The following POLK variants were observed in gnomAD, a reference collection of about 807,000 sequenced individuals.
POLK encodes DNA polymerase kappa, also known as polymerase (DNA directed) kappa.
Under a neutral mutation model 94.0 loss-of-function variants are expected in POLK, and 76 were observed. The observed-to-expected ratio is 0.81, with a 90% confidence interval of 0.67 to 0.98. The LOEUF is 0.98. Ranked by LOEUF, POLK falls within the 50% of genes least tolerant of loss-of-function variation. The pLI, the probability that POLK is intolerant of heterozygous loss-of-function variation, is 0.00. For synonymous variants in POLK, 349 were observed against 325.4 expected (o/e 1.07, Z -0.78); for missense variants, 954 against 1,010.1 (o/e 0.94, Z 0.75).
chr5:75,595,384 A>G (rs1299505542), intron 12 of POLK, among the ~76,000 whole-genome samples: 1 of 152,112 alleles, frequency 6.6e-6, no homozygotes, highest in Non-Finnish European at 1.5e-5. Flanking sequence ...ACATACAGAC[A>G]GTGGAATAAT....
exon 13 of POLK, chr5:75,596,656 A>G (rs1449248279): frequency 6.2e-7 from 1 of 1,613,956 alleles, no homozygotes; most frequent in Non-Finnish European, 8.5e-7. Flanking sequence ...AATCAGTGAA[A>G]ACTTTAAAAT....
intron 1 of POLK, among the ~76,000 whole-genome samples, chr5:75,527,567 A>G (rs1768932439): frequency 6.6e-6 from 1 of 151,962 alleles, no homozygotes; most frequent in African/African-American, 2.4e-5. Context: ...ATATGTATAT[A>G]TACATGTGTA....
chr5:75,566,170 G>A (rs1319639838), intron 3 of POLK, among the ~76,000 whole-genome samples: 1 of 152,194 alleles, frequency 6.6e-6, no homozygotes, highest in East Asian at 1.9e-4. Flanking sequence ...CACTGTGAGG[G>A]GAAAACCACC....
chr5:75,569,648 T>TA (rs1771481284), intron 4 of POLK, among the ~76,000 whole-genome samples, 156 bp downstream of exon 4: 1 of 152,222 alleles, frequency 6.6e-6, no homozygotes, highest in Admixed American at 6.5e-5. Context: ...CCTTTCAACA[T>TA]ACTTTAAGGC....
chr5:75,558,743 A>T (rs1770778012), intron 3 of POLK, among the ~76,000 whole-genome samples: 2 of 152,176 alleles, frequency 1.3e-5, no homozygotes, highest in Admixed American at 1.3e-4. Context: ...TTCTATCCAC[A>T]GTAATATTAT....
intron 11 of POLK, 134 bp downstream of exon 11, chr5:75,590,574 A>G: frequency 1.6e-6 from 1 of 615,248 alleles, no homozygotes; most frequent in East Asian, 2.7e-5. Flanking sequence ...GTGTATTCCT[A>G]TCCCCAACAG....
At chr5:75,552,347 AG>A (rs1226735938) in intron 2 of POLK, 124 bp from the exon 3 acceptor site, 7 of 758,994 alleles carry the variant, frequency 9.2e-6, no homozygotes, top group Non-Finnish European at 1.5e-5. Flanking sequence ...GCTAGTAAGT[AG>A]TAGAGCTAAG....
exon 15 of POLK, chr5:75,598,171 T>C: frequency 2.5e-6 from 1 of 404,754 alleles, no homozygotes; most frequent in Non-Finnish European, 4.5e-6. Flanking sequence ...AAGATACATA[T>C]ACTGATTCTG....
Position 75,583,182 on chromosome 5 carries a change from T to C in POLK, c.935-111T>C, listed in dbSNP as rs189625898. 5 of 678,808 alleles carry C rather than the reference T, an allele frequency of 7.4e-6. No homozygotes were observed. In the East Asian group the frequency reaches 1.4e-4, roughly 19 times the overall value. The allele number at this position is 678,808 out of a possible 1,614,324, so 42.0% of individuals were successfully genotyped here. On this transcript the variant is annotated intron_variant, in intron 7 of 14. Coordinates refer to ENST00000241436, the Ensembl canonical transcript of POLK. ...AAATGTTATTTTTAAAGTAGCATTATATATCATTTGAGATTTTTTGCAATT... is the reference window on the plus strand; with the variant it reads ...AAATGTTATTTTTAAAGTAGCATTACATATCATTTGAGATTTTTTGCAATT...
At chr5:75,541,371 ATATGTT>A (rs1311777919) in intron 1 of POLK, among the ~76,000 whole-genome samples, 5 of 152,152 alleles carry the variant, frequency 3.3e-5, no homozygotes, top group Non-Finnish European at 7.4e-5. Context: ...ACTGTAGGTA[ATATGTT>A]TATATCAGAA....
intron 3 of POLK, among the ~76,000 whole-genome samples, chr5:75,564,102 G>A (rs966656981): frequency 1.3e-5 from 2 of 152,124 alleles, no homozygotes; most frequent in Non-Finnish European, 2.9e-5. Flanking sequence ...TATATGTTTA[G>A]GATAGTTAGC....
chr5:75,569,597 G>A, intron 4 of POLK, 105 bp downstream of exon 4: 1 of 982,612 alleles, frequency 1.0e-6, no homozygotes, highest in Non-Finnish European at 1.5e-6. Flanking sequence ...AGTTTGCTGA[G>A]TATTTTTCTG....
At chr5:75,511,284 G>T, upstream of POLK, 17 of 1,576,528 alleles carry the variant, frequency 1.1e-5, 1 homozygote, top group South Asian at 1.9e-4. Flanking sequence ...TCCTCGGGGT[G>T]AAGGGTCGGG....
At chr5:75,558,412 A>G (rs1218359516) in intron 3 of POLK, among the ~76,000 whole-genome samples, 2 of 152,072 alleles carry the variant, frequency 1.3e-5, no homozygotes, top group East Asian at 1.9e-4. Flanking sequence ...TTTTCCCTGC[A>G]TAGTATTATT....
At chr5:75,587,358 A>T (rs2112849099) in intron 10 of POLK, among the ~76,000 whole-genome samples, 1 of 152,320 alleles carries the variant, frequency 6.6e-6, no homozygotes, top group Non-Finnish European at 1.5e-5. Flanking sequence ...AGGACAATTG[A>T]GTATTTACTT....
intron 3 of POLK, among the ~76,000 whole-genome samples, chr5:75,556,357 C>T (rs1345069189): frequency 6.6e-6 from 1 of 152,176 alleles, no homozygotes; most frequent in Non-Finnish European, 1.5e-5. Flanking sequence ...TATAATCAAG[C>T]TGTTTGCTTT....
chr5:75,511,489 C>T, upstream of POLK: 2 of 1,499,772 alleles, frequency 1.3e-6, no homozygotes, highest in Non-Finnish European at 1.8e-6. Flanking sequence ...CCGGCGCTGC[C>T]ACCCGAACTT....
upstream of POLK, chr5:75,511,426 T>C (rs1321597089): frequency 1.3e-6 from 2 of 1,542,080 alleles, no homozygotes; most frequent in Non-Finnish European, 1.7e-6. Flanking sequence ...GAAGGAAGCC[T>C]ACCCTTCCAG....
At chr5:75,606,985 T>G in the POLK span, among the ~76,000 whole-genome samples, 250 of 152,288 alleles carry the variant, frequency 1.6e-3, no homozygotes, top group African/African-American at 5.8e-3. Flanking sequence ...CAGAAGCATA[T>G]GCAAATCCTC....
Sources: gnomAD v4.1 joint callset for allele counts (sites outside exome capture counted in the v4.1 genomes callset) on GRCh38, gnomAD v4.1.1 for gene constraint, MANE v1.5 for transcripts, NCBI Gene and HGNC (gene_info 2026-07-23, HGNC 2026-07-21) for gene names.